The following EML5 variants were observed in gnomAD, a reference collection of about 807,000 sequenced individuals.
The protein encoded by EML5 is EMAP like 5, also known as echinoderm microtubule-associated protein-like 5.
EML5 carries 120 observed loss-of-function variants against 250.0 expected under a neutral mutation model. The ratio of observed to expected loss-of-function variants is 0.48; its 90% CI spans 0.41 to 0.56. The LOEUF (loss-of-function observed/expected upper bound fraction) is 0.56. Ranked by LOEUF, EML5 falls within the 20% of genes least tolerant of loss-of-function variation. The pLI is 0.00. For synonymous variants in EML5, 771 were observed against 806.5 expected (o/e 0.96, Z 0.75); for missense variants, 2,006 against 2,437.6 (o/e 0.82, Z 3.73).
In EML5 at chr14:88,682,039, G is replaced by C. The variant is rs766231463; in HGVS notation, c.2983-8C>G. ...CTCTCCTTCCATGTGTCCCTATAAA[G>C]AAAACATAGGATCAATTTAGTGTAT... is the stretch of plus-strand genomic sequence containing the variant. On this transcript the variant is annotated splice_polypyrimidine_tract_variant and splice_region_variant and intron_variant, in intron 20 of 43. Coordinates refer to ENST00000554922, the MANE Select transcript of EML5 (RefSeq NM_183387.3). 2.5e-6 allele frequency: 4 copies of C among 1,580,396 alleles called. No homozygotes were observed. Among genetic ancestry groups the C allele is most frequent in the Non-Finnish European group, 3.4e-6 (4 of 1,167,790 alleles).
rs1044012613 is a variant in EML5 at position 88,613,098 on chromosome 14, T to C, written c.*2720A>G. On this transcript the variant is annotated 3_prime_UTR_variant, in exon 44 of 44. Coordinates refer to ENST00000554922, the MANE Select transcript of EML5 (RefSeq NM_183387.3). Reference sequence around the variant, plus strand: ...CCAGCAGTCTACTGTTGTGTTGCCATTGCTTTTCCATTGGGAGAAGAAAGA... The same window carrying C: ...CCAGCAGTCTACTGTTGTGTTGCCACTGCTTTTCCATTGGGAGAAGAAAGA... The C allele has an allele frequency of 1.3e-5, 2 of 152,460 alleles. No homozygotes were observed. The highest frequency in any genetic ancestry group is 2.9e-5 in the Non-Finnish European group (2 of 68,052). The allele number at this position is 152,460 out of a possible 1,614,324, so 9.4% of individuals were successfully genotyped here. A position where few individuals can be genotyped will look rare whatever the true frequency, so the allele number is the denominator to read the frequency against.
intron 32 of EML5, 56 bp from the exon 33 acceptor site, chr14:88,634,545 C>T: frequency 9.8e-7 from 1 of 1,022,738 alleles, no homozygotes; most frequent in Admixed American, 3.4e-5. Flanking sequence ...TCTGTAAAAA[C>T]CCAAATATCA....
intron 18 of EML5, among the ~76,000 whole-genome samples, chr14:88,687,981 G>A (rs574738481): frequency 6.6e-6 from 1 of 152,196 alleles, no homozygotes; most frequent in African/African-American, 2.4e-5. Context: ...TGAGGCAGGA[G>A]GATTTCTTGA....
At chr14:88,748,837 A>C (rs1335440713) in intron 2 of EML5, among the ~76,000 whole-genome samples, 1 of 152,080 alleles carries the variant, frequency 6.6e-6, no homozygotes, top group East Asian at 1.9e-4. Flanking sequence ...TGATGAAAAG[A>C]TAAATAAACT....
intron 33 of EML5, 67 bp from the exon 34 acceptor site, chr14:88,627,886 T>C (rs1397835264): frequency 6.4e-6 from 9 of 1,410,196 alleles, no homozygotes; most frequent in East Asian, 2.5e-5. Context: ...CTAAAGCTTA[T>C]GCATATTCAT....
intron 25 of EML5, among the ~76,000 whole-genome samples, chr14:88,660,418 A>T (rs1183628601): frequency 6.6e-6 from 1 of 152,186 alleles, no homozygotes; most frequent in African/African-American, 2.4e-5. Flanking sequence ...GTACTTGCAC[A>T]GCACACATTA....
chr14:88,693,883 A>G (rs994459499), intron 17 of EML5, among the ~76,000 whole-genome samples: 28 of 138,536 alleles, frequency 2.0e-4, no homozygotes, highest in African/African-American at 7.4e-4. Context: ...TGATCCTTCC[A>G]CCTTATCGTC....
chr14:88,649,389 C>T (rs962757332), intron 28 of EML5, among the ~76,000 whole-genome samples: 4 of 152,086 alleles, frequency 2.6e-5, no homozygotes, highest in Admixed American at 1.3e-4. Context: ...ACAGACTAGC[C>T]ATTTCCACAC....
intron 21 of EML5, among the ~76,000 whole-genome samples, chr14:88,669,764 C>T (rs1022837474): frequency 6.6e-6 from 1 of 152,176 alleles, no homozygotes; most frequent in African/African-American, 2.4e-5. Context: ...TTAAGTGGGT[C>T]CTGGATCCTG....
At chr14:88,677,884 G>A (rs1346836255) in intron 21 of EML5, among the ~76,000 whole-genome samples, 3 of 152,098 alleles carry the variant, frequency 2.0e-5, no homozygotes, top group Admixed American at 6.5e-5. Context: ...GGAAGACGGT[G>A]ATTCTTCAAA....
chr14:88,724,569 T>TAAA (rs36017434), intron 8 of EML5, among the ~76,000 whole-genome samples: 1 of 151,388 alleles, frequency 6.6e-6, no homozygotes, highest in East Asian at 1.9e-4. Context: ...AATGTATAAC[T>TAAA]AAAAAAAAAT....
At position 88,792,242 on chromosome 14, in the gene EML5, A is replaced by C. The variant is rs1595904008; in HGVS notation, c.197+65T>G. 2 of 1,518,388 alleles carry C rather than the reference A, an allele frequency of 1.3e-6. No homozygotes were observed. Among genetic ancestry groups the C allele is most frequent in the Non-Finnish European group, 8.8e-7 (1 of 1,132,124 alleles). The allele number at this position is 1,518,388 out of a possible 1,614,324, so 94.1% of individuals were successfully genotyped here. ...AGGAGCGGTCACGGCGTCCAGAGGA[A>C]CCCGCGGGTGCAAACTCCGGGAGCG... On this transcript the variant is annotated intron_variant, in intron 1 of 43. Coordinates refer to ENST00000554922, the MANE Select transcript of EML5 (RefSeq NM_183387.3). This position sits in a 1 kb window ranked among gnomAD's most constrained non-coding sequence, Gnocchi z 6.9.
At position 88,679,072 on chromosome 14, in the gene EML5, C is replaced by T. The variant is rs534847042; in HGVS notation, c.3124+2818G>A. Among the ~76,000 whole-genome samples, 13 of 151,486 alleles carry T rather than the reference C, an allele frequency of 8.6e-5. No individual in the cohort carries two copies. The South Asian group carries it at 1.9e-3, about 22-fold the overall frequency. On this transcript the variant is annotated intron_variant, in intron 21 of 43. Coordinates refer to ENST00000554922, the MANE Select transcript of EML5 (RefSeq NM_183387.3). The stretch of plus-strand genomic sequence containing the variant: ...CTCCAATCCTCTGCTTCCATCATCA[C>T]GCTGCATTCTCCCAGTGTGTCTGTG...
At chr14:88,720,851 TGAC>T (rs1260485139) in intron 8 of EML5, among the ~76,000 whole-genome samples, 1 of 152,150 alleles carries the variant, frequency 6.6e-6, no homozygotes, top group Non-Finnish European at 1.5e-5. Context: ...TATTTGCAGA[TGAC>T]ATGATCCTAT....
chr14:88,685,034 G>T lies in EML5; in HGVS notation c.2963C>A (p.Pro988Gln). The change falls in exon 20 of 44, where the codon CCA becomes CAA. Residue 988 changes from proline to glutamine, a missense_variant. By Grantham distance (76) the Pro-to-Gln change is moderately conservative (BLOSUM62 -1). This residue lies in a region of EML5 where 1,375 missense variants were observed against 1,590.3 expected (regional missense o/e 0.86). Coordinates refer to ENST00000554922, the MANE Select transcript of EML5 (RefSeq NM_183387.3). ...AATTACCTGAACCAGAAGTGTTATT[G>T]GGCCACTTTTATCCACTTCTAGTAT... ...GEILEVDKSG[P>Q]ITLLVQGHME... The T allele has an allele frequency of 6.2e-7, 1 of 1,603,838 alleles. No individual in the cohort carries two copies. Among genetic ancestry groups the T allele is most frequent in the Non-Finnish European group, 8.5e-7 (1 of 1,175,472 alleles).
chr14:88,734,134 C>T (rs1011623567), intron 7 of EML5, among the ~76,000 whole-genome samples: 11 of 151,982 alleles, frequency 7.2e-5, no homozygotes, highest in Admixed American at 1.3e-4. Flanking sequence ...AACAACCCTA[C>T]AGAAAAAATG....
At chr14:88,746,625 A>G (rs1406249352) in intron 2 of EML5, among the ~76,000 whole-genome samples, 1 of 152,084 alleles carries the variant, frequency 6.6e-6, no homozygotes, top group Non-Finnish European at 1.5e-5. Flanking sequence ...AAATTAAGAA[A>G]TTTTCCAGTG....
Position 88,736,283 on chromosome 14 carries a change from G to C in EML5, c.1049+81C>G, listed in dbSNP as rs545336007. ...CAAAGTGCTGGGATTACGGGCGTGA[G>C]CCACAGTGCCTGGCCATGTTTTCTT... On this transcript the variant is annotated intron_variant, in intron 7 of 43. Coordinates refer to ENST00000554922, the MANE Select transcript of EML5 (RefSeq NM_183387.3). 177 of 1,503,594 alleles carry C rather than the reference G, an allele frequency of 1.2e-4. 3 individuals are homozygous for C. In the South Asian group the frequency reaches 2.1e-3, roughly 18 times the overall value. 93.1% of individuals were successfully genotyped at this position (1,503,594 alleles called of 1,614,324 possible).
At chr14:88,639,495 C>T (rs1264571191) in intron 31 of EML5, among the ~76,000 whole-genome samples, 1 of 152,126 alleles carries the variant, frequency 6.6e-6, no homozygotes, top group African/African-American at 2.4e-5. Context: ...ACACAGAAAC[C>T]AGTAGTAATT....
Sources: allele counts gnomAD v4.1 joint callset (sites outside exome capture counted in the v4.1 genomes callset), GRCh38; gene constraint gnomAD v4.1.1; regional missense constraint gnomAD v4.1.1; non-coding constraint Gnocchi (gnomAD v3.1); transcripts MANE v1.5; gene names NCBI Gene and HGNC (gene_info 2026-07-23, HGNC 2026-07-21).